NUBPL: variants seen among roughly 807,000 people sequenced by gnomAD.
NUBPL encodes the protein NUBP iron-sulfur cluster assembly factor, mitochondrial, also known as iron-sulfur cluster transfer protein NUBPL.
Under a neutral mutation model 45.7 loss-of-function variants are expected in NUBPL, and 31 were observed. The observed-to-expected ratio is 0.68, with a 90% CI of 0.51 to 0.92. The LOEUF is 0.92. Among genes scored for constraint, NUBPL ranks in the 40% least tolerant of loss-of-function variants. The pLI, the probability that NUBPL is intolerant of heterozygous loss-of-function variation, is 0.00. For missense variants in NUBPL, 401 were observed against 398.7 expected, an observed-to-expected ratio of 1.01 and a Z score of -0.05; for synonymous variants, 144 against 140.9, an observed-to-expected ratio of 1.02 and a Z score of -0.15.
At chr14:31,572,912 A>G (rs2033627063) in intron 3 of NUBPL, among the ~76,000 whole-genome samples, 1 of 152,230 alleles carries the variant, frequency 6.6e-6, no homozygotes, top group Non-Finnish European at 1.5e-5. Flanking sequence ...CACAATGGTA[A>G]GTATTTATGT....
intron 7 of NUBPL, among the ~76,000 whole-genome samples, chr14:31,813,435 CTA>C (rs2039851838): frequency 1.0e-5 from 1 of 99,742 alleles, no homozygotes. Context: ...TTCTTTTTTG[CTA>C]TACACACACA....
At chr14:31,850,637 T>A (rs2040523757) in intron 10 of NUBPL, among the ~76,000 whole-genome samples, 1 of 152,096 alleles carries the variant, frequency 6.6e-6, no homozygotes. Flanking sequence ...TTCCTTTTTC[T>A]TCAGACAGGG....
intron 6 of NUBPL, among the ~76,000 whole-genome samples, chr14:31,704,198 G>T (rs1595519312): frequency 6.6e-6 from 1 of 152,136 alleles, no homozygotes; most frequent in African/African-American, 2.4e-5. Flanking sequence ...GGTGGTAAAA[G>T]CAGTATCTAT....
intron 6 of NUBPL, among the ~76,000 whole-genome samples, chr14:31,749,511 A>G (rs1342294779): frequency 1.3e-5 from 2 of 152,066 alleles, no homozygotes; most frequent in Non-Finnish European, 2.9e-5. Flanking sequence ...CACAGTTTAG[A>G]TGTATCATCC....
intron 4 of NUBPL, among the ~76,000 whole-genome samples, chr14:31,606,704 G>C: frequency 6.6e-6 from 1 of 151,564 alleles, no homozygotes; most frequent in South Asian, 2.1e-4. Flanking sequence ...CATATTGTTG[G>C]CTCCTCTTTG....
At chr14:31,808,220 G>A (rs558918017) in intron 7 of NUBPL, among the ~76,000 whole-genome samples, 2 of 152,254 alleles carry the variant, frequency 1.3e-5, no homozygotes, top group African/African-American at 4.8e-5. Context: ...GGGCAGTATG[G>A]CCATTTTCAC....
chr14:31,645,340 A>G (rs2035817944), intron 4 of NUBPL, among the ~76,000 whole-genome samples: 1 of 152,116 alleles, frequency 6.6e-6, no homozygotes, highest in Non-Finnish European at 1.5e-5. Context: ...TGTTGGGATT[A>G]CAGGCGTGAG....
chr14:31,593,522 A>AC (rs2034203511), intron 3 of NUBPL, among the ~76,000 whole-genome samples: 1 of 150,470 alleles, frequency 6.6e-6, no homozygotes, highest in Non-Finnish European at 1.5e-5. Context: ...TCAAAAAAAA[A>AC]AAAAAAAAAA....
chr14:31,600,437 G>T (rs2034400667), intron 4 of NUBPL, among the ~76,000 whole-genome samples: 1 of 152,114 alleles, frequency 6.6e-6, no homozygotes, highest in South Asian at 2.1e-4. Flanking sequence ...CATCTAATGT[G>T]CATAGCTTTG....
chr14:31,839,809 G>T (rs185972048), intron 8 of NUBPL, among the ~76,000 whole-genome samples: 1 of 152,112 alleles, frequency 6.6e-6, no homozygotes, highest in African/African-American at 2.4e-5. Context: ...CTCAAGAGAA[G>T]ACATACAAAT....
intron 10 of NUBPL, among the ~76,000 whole-genome samples, chr14:31,852,841 T>C (rs2040558694): frequency 6.6e-6 from 1 of 152,082 alleles, no homozygotes; most frequent in South Asian, 2.1e-4. Flanking sequence ...AAAGCCTCCT[T>C]CCCTTTCCCC....
At chr14:31,830,163 G>A (rs181113025) in intron 8 of NUBPL, among the ~76,000 whole-genome samples, 1 of 152,064 alleles carries the variant, frequency 6.6e-6, no homozygotes, top group African/African-American at 2.4e-5. Context: ...TACTCCTTCG[G>A]CACATAAGGG....
intron 7 of NUBPL, among the ~76,000 whole-genome samples, chr14:31,819,995 C>T (rs1017974945): frequency 4.0e-5 from 6 of 151,788 alleles, no homozygotes; most frequent in Non-Finnish European, 7.4e-5. Flanking sequence ...AAAAAATTAC[C>T]TGGGCATGGT....
chr14:31,613,964 G>A (rs1429218661), intron 4 of NUBPL, among the ~76,000 whole-genome samples: 1 of 151,602 alleles, frequency 6.6e-6, no homozygotes, highest in African/African-American at 2.4e-5. Context: ...AAAATAAAAT[G>A]GCTTGTGTAT....
chr14:31,765,629 A>G (rs1595600578), intron 6 of NUBPL, among the ~76,000 whole-genome samples: 1 of 29,214 alleles, frequency 3.4e-5, no homozygotes, highest in Non-Finnish European at 7.9e-5. Context: ...TCATAAAAGC[A>G]ACAGGTTTTT....
At chr14:31,616,921 TC>T in intron 4 of NUBPL, among the ~76,000 whole-genome samples, 1 of 152,310 alleles carries the variant, frequency 6.6e-6, no homozygotes, top group East Asian at 1.9e-4. Flanking sequence ...AATTTTTTTT[TC>T]CATTTGTTTG....
chr14:31,628,906 T>C (rs2035275300), intron 4 of NUBPL, among the ~76,000 whole-genome samples: 1 of 152,208 alleles, frequency 6.6e-6, no homozygotes, highest in Non-Finnish European at 1.5e-5. Flanking sequence ...CTGTGATACA[T>C]GGTGGTGAAG....
At chr14:31,597,701 T>C (rs8013916) in intron 3 of NUBPL, among the ~76,000 whole-genome samples, 47,719 of 151,902 alleles carry the variant, frequency 0.31, 7,977 homozygotes, top group South Asian at 0.41. Flanking sequence ...GAAAGAGAAT[T>C]TTAAAATAGC....
intron 6 of NUBPL, among the ~76,000 whole-genome samples, chr14:31,729,793 A>T (rs1286362384): frequency 6.6e-6 from 1 of 152,218 alleles, no homozygotes; most frequent in Non-Finnish European, 1.5e-5. Context: ...TTTAAACAGA[A>T]TTCCTAAGTA....
Sources: allele counts gnomAD v4.1 joint callset (sites outside exome capture counted in the v4.1 genomes callset), GRCh38; gene constraint gnomAD v4.1.1; transcripts MANE v1.5; gene names NCBI Gene and HGNC (gene_info 2026-07-23, HGNC 2026-07-21).